MXD3: variants seen among roughly 807,000 people sequenced by gnomAD.
MXD3 encodes the protein Max-associated protein 3.
In MXD3, 20 loss-of-function variants were observed where a neutral mutation model predicts 27.5. That is an observed-to-expected ratio of 0.73 (90% CI 0.51 to 1.06). MXD3 has a LOEUF of 1.06. Among genes scored for constraint, MXD3 ranks in the 50% least tolerant of loss-of-function variants. The pLI, the probability that MXD3 is intolerant of heterozygous loss-of-function variation, is 0.00. For synonymous variants in MXD3, 150 were observed against 130.7 expected, an observed-to-expected ratio of 1.15 and a Z score of -1.01; for missense variants, 298 against 291.3, an observed-to-expected ratio of 1.02 and a Z score of -0.17.
rs1316930489 is a variant in MXD3, at chr5:177,311,786, G to T, written c.45C>A (p.Ala15=). 1 of 1,613,192 alleles carries T rather than the reference G, an allele frequency of 6.2e-7. No homozygotes were observed. Among genetic ancestry groups the T allele is most frequent in the South Asian group, 1.1e-5 (1 of 90,850 alleles). Residue 15 remains alanine, a synonymous_variant, in exon 1 of 6, where the codon GCC becomes GCA. Coordinates refer to ENST00000439742, the MANE Select transcript of MXD3 (RefSeq NM_031300.4). ...CTCTCTCACGGCGCTCCAGGAACTCGGCCGCCTGCAGCAGGACCTGGATGT... is the reference window on the plus strand; with the variant it reads ...CTCTCTCACGGCGCTCCAGGAACTCTGCCGCCTGCAGCAGGACCTGGATGT... The part of the protein sequence containing the change: ...ASNIQVLLQA[A]EFLERREREA...
At chr5:177,312,488 G>A (rs1037271998), upstream of MXD3, 7 of 985,448 alleles carry the variant, frequency 7.1e-6, no homozygotes, top group Non-Finnish European at 8.4e-6. Flanking sequence ...GCGATGGGGC[G>A]GGGTTGAGAG....
At position 177,307,664 on chromosome 5, in the gene MXD3, C is replaced by A; in HGVS notation, c.545G>T (p.Gly182Val). The change falls in exon 6 of 6, where the codon GGT becomes GTT. Residue 182 changes from glycine (G) to valine (V), a missense_variant. Physicochemically the swap from Gly to Val is moderately radical, Grantham distance 109 (BLOSUM62 -3). Transcript: ENST00000439742. ...GAAGCCCCGCAGCAGCTCGGCCTCA[C>A]CCCCAAACACCAGGCTCTCCACATC... is the stretch of plus-strand genomic sequence containing the variant. ...EVDVESLVFGGEAELLRGFVA... is the reference protein window; with the variant it reads ...EVDVESLVFGVEAELLRGFVA... The A allele has an allele frequency of 6.2e-7, 1 of 1,613,604 alleles. No homozygotes were observed. Among genetic ancestry groups the A allele is most frequent in the Non-Finnish European group, 8.5e-7 (1 of 1,179,920 alleles).
chr5:177,307,806 G>A lies in MXD3; in HGVS notation c.480C>T (p.Ser160=). 1.9e-6 allele frequency: 3 copies of A among 1,613,076 alleles called. No individual in the cohort carries two copies. The highest frequency in any genetic ancestry group is 1.1e-5 in the South Asian group (1 of 91,076). The change falls in exon 5 of 6, where the codon TCC becomes TCT. Residue 160 remains serine (S), a synonymous_variant. Transcript: ENST00000439742. ...RADSLDSSGL[S]SERSDSDQEE... is the part of the protein sequence containing the mutation. Reference sequence around the variant, plus strand: ...CTTGGTCTGAGTCTGAGCGCTCAGAGGAGAGGCCTGAGGAGTCCAGACTGT... The same window carrying A: ...CTTGGTCTGAGTCTGAGCGCTCAGAAGAGAGGCCTGAGGAGTCCAGACTGT...
chr5:177,306,628 T>C (rs1474499090), downstream of MXD3: 1 of 1,555,470 alleles, frequency 6.4e-7, no homozygotes, highest in Non-Finnish European at 8.7e-7. Flanking sequence ...CTGCCCTCCC[T>C]TCATTGTACT....
chr5:177,312,001 C>A (rs982890273), upstream of MXD3: 8 of 1,281,048 alleles, frequency 6.2e-6, no homozygotes, highest in African/African-American at 1.1e-4. Flanking sequence ...CTCTGGAACC[C>A]GCCACGGAGC....
downstream of MXD3, chr5:177,305,823 T>C (rs368267715): frequency 2.6e-5 from 40 of 1,527,432 alleles, no homozygotes; most frequent in East Asian, 5.2e-4. Context: ...TATGTGCAAG[T>C]TGGCAAAATG....
At chr5:177,311,341 A>ACC in intron 2 of MXD3, 38 bp downstream of exon 2, 1 of 784,330 alleles carries the variant, frequency 1.3e-6, no homozygotes, top group Non-Finnish European at 1.8e-6. Flanking sequence ...GGCGGCGCCC[A>ACC]CCCCCACCCC....
At chr5:177,312,576 G>A, upstream of MXD3, 9 of 985,430 alleles carry the variant, frequency 9.1e-6, no homozygotes, top group Non-Finnish European at 1.1e-5. Flanking sequence ...CTGTCCCCAA[G>A]CCTGCCTGCC....
chr5:177,311,033 A>G, intron 2 of MXD3: 1 of 561,902 alleles, frequency 1.8e-6, no homozygotes, highest in Non-Finnish European at 3.2e-6. Context: ...GCATTCAAAT[A>G]GGAGGGAACA....
Position 177,308,579 on chromosome 5 carries a change from G to T in MXD3, c.322-615C>A, listed in dbSNP as rs150634737. Reference sequence around the variant, plus strand: ...GTGGAGACGGGGTTTCACCATATTGGTCAGGCTGGTCTCAAACTCCTGACC... The same window carrying T: ...GTGGAGACGGGGTTTCACCATATTGTTCAGGCTGGTCTCAAACTCCTGACC... On this transcript the variant is annotated intron_variant, in intron 4 of 5. Coordinates refer to ENST00000439742, the MANE Select transcript of MXD3 (RefSeq NM_031300.4). Among the ~76,000 whole-genome samples the T allele has an allele frequency of 2.2e-3, 337 of 152,090 alleles. 3 individuals are homozygous for T. Among genetic ancestry groups the T allele is most frequent in the African/African-American group, 7.8e-3 (325 of 41,472 alleles).
chr5:177,305,819 C>T, downstream of MXD3: 1 of 1,493,948 alleles, frequency 6.7e-7, no homozygotes, highest in Non-Finnish European at 9.3e-7. Context: ...GATTTATGTG[C>T]AAGTTGGCAA....
In MXD3 at chr5:177,311,465, C is replaced by A; in HGVS notation, c.90G>T (p.Ala30=). 1 of 1,433,122 alleles carries A rather than the reference C, an allele frequency of 7.0e-7. No homozygotes were observed. 88.8% of individuals were successfully genotyped at this position (1,433,122 alleles called of 1,614,324 possible). The part of the protein sequence containing the change: ...RREREAEHGY[A]SLCPHRSPGP... ...CTGGACTGCGATGCGGGCACAGGGA[C>A]GCATAACCATGCTCGGCCTCTGCCA... The change falls in exon 2 of 6, where the codon GCG becomes GCT. Residue 30 remains alanine, a synonymous_variant. Coordinates refer to ENST00000439742, the MANE Select transcript of MXD3 (RefSeq NM_031300.4).
chr5:177,312,508 G>A (rs995517105), upstream of MXD3: 5 of 985,452 alleles, frequency 5.1e-6, no homozygotes, highest in South Asian at 9.4e-5. Context: ...GGGGAGCTGG[G>A]CCTCAATGCG....
chr5:177,310,590 C>G (rs781678046), intron 3 of MXD3, 50 bp from the exon 4 acceptor site: 6 of 1,612,516 alleles, frequency 3.7e-6, no homozygotes, highest in Non-Finnish European at 5.1e-6. Flanking sequence ...TTGCCGGCCA[C>G]AGGAATGGCA....
rs1306078755 is a variant in MXD3, at chr5:177,307,796, A to G, written c.490T>C (p.Ser164Pro). 6.2e-7 allele frequency: 1 copy of G among 1,613,094 alleles called. No homozygotes were observed. Residue 164 changes from serine (S) to proline (P), a missense_variant, in exon 5 of 6, where the codon TCA becomes CCA. Transcript: ENST00000439742. The part of the protein sequence containing the change: ...LDSSGLSSER[S>P]DSDQEELEVD... ...GGGCACTCACCTTGGTCTGAGTCTGAGCGCTCAGAGGAGAGGCCTGAGGAG... is the reference window on the plus strand; with the variant it reads ...GGGCACTCACCTTGGTCTGAGTCTGGGCGCTCAGAGGAGAGGCCTGAGGAG...
upstream of MXD3, chr5:177,312,450 G>A: frequency 1.0e-6 from 1 of 985,546 alleles, no homozygotes; most frequent in East Asian, 1.1e-4. Context: ...GGCGGGAAAA[G>A]AAGCAGGTTT....
chr5:177,312,382 G>A, upstream of MXD3: 1 of 985,734 alleles, frequency 1.0e-6, no homozygotes, highest in Non-Finnish European at 1.2e-6. Flanking sequence ...GGGAGCCTCT[G>A]ATGCCCTATT....
chr5:177,310,781 C>G, intron 2 of MXD3, 84 bp from the exon 3 acceptor site: 1 of 1,507,724 alleles, frequency 6.6e-7, no homozygotes, highest in Non-Finnish European at 9.2e-7. Flanking sequence ...GCTCAAGAGC[C>G]ACTACAGATG....
At position 177,310,467 on chromosome 5, in the gene MXD3, T is replaced by A; in HGVS notation, c.280A>T (p.Thr94Ser). The part of the protein sequence containing the change: ...MPLGADCARY[T>S]TLSLLRRARM... The stretch of plus-strand genomic sequence containing the variant: ...GCACGGCGCAGCAGGCTCAGCGTGG[T>A]GTACCGGGCACAGTCGGCCCCCAGG... Residue 94 changes from threonine to serine, a missense_variant, in exon 4 of 6, where the codon ACC (threonine) becomes TCC (serine). Thr to Ser is a moderately conservative substitution (Grantham distance 58). Transcript: ENST00000439742. The A allele has an allele frequency of 6.2e-7, 1 of 1,613,192 alleles. No individual in the cohort carries two copies. Among genetic ancestry groups the A allele is most frequent in the African/African-American group, 1.3e-5 (1 of 75,032 alleles).
Sources: gnomAD v4.1 joint callset for allele counts (sites outside exome capture counted in the v4.1 genomes callset) on GRCh38, gnomAD v4.1.1 for gene constraint, MANE v1.5 for transcripts, NCBI Gene and HGNC (gene_info 2026-07-23, HGNC 2026-07-21) for gene names.